Variants in KIF23 observed in about 807,000 individuals in gnomAD.
KIF23 encodes the protein kinesin-like protein KIF23.
KIF23 carries 30 observed loss-of-function variants against 137.5 expected under a neutral mutation model. The ratio of observed to expected loss-of-function variants is 0.22; its 90% CI spans 0.16 to 0.30. The LOEUF (loss-of-function observed/expected upper bound fraction) is 0.30. Among genes scored for constraint, KIF23 ranks in the 10% least tolerant of loss-of-function variants. The pLI is 1.00. For synonymous variants in KIF23, 367 were observed against 391.1 expected (o/e 0.94, Z 0.73); for missense variants, 920 against 1,194.3 (o/e 0.77, Z 3.38).
At chr15:69,420,213 G>A (rs555172225) in intron 3 of KIF23, among the ~76,000 whole-genome samples, 329 of 151,986 alleles carry the variant, frequency 2.2e-3, no homozygotes, top group African/African-American at 7.3e-3. Flanking sequence ...GCAGTGAGCC[G>A]AGATCCTACC....
At chr15:69,416,605 G>C (rs2056915686) in intron 2 of KIF23, among the ~76,000 whole-genome samples, 1 of 152,148 alleles carries the variant, frequency 6.6e-6, no homozygotes, top group Admixed American at 6.5e-5. Flanking sequence ...AAGGGAACCG[G>C]GTGCTTTGCA....
intron 7 of KIF23, among the ~76,000 whole-genome samples, chr15:69,424,918 C>T (rs2057151659): frequency 1.3e-5 from 2 of 152,144 alleles, no homozygotes; most frequent in Admixed American, 6.5e-5. Context: ...CGTGTGCCAA[C>T]TTTTTGTTTG....
intron 1 of KIF23, 197 bp downstream of exon 1, chr15:69,414,673 C>A (rs773976486): frequency 5.5e-5 from 29 of 525,958 alleles, no homozygotes; most frequent in Non-Finnish European, 7.8e-5. Flanking sequence ...GCGCGGAGAC[C>A]CCTGCCGCGT....
Position 69,446,971 on chromosome 15 carries a change from T to C in KIF23, c.2909+30T>C, listed in dbSNP as rs200688733. 40 of 1,591,736 alleles carry C rather than the reference T, an allele frequency of 2.5e-5. No individual in the cohort carries two copies. In the East Asian group the frequency reaches 7.6e-4, roughly 30 times the overall value. On this transcript the variant is annotated intron_variant, in intron 23 of 23. Transcript: ENST00000679126. ...GTACTGACTGTAATTGGGGTCTTGC[T>C]GTGTGCTTTTTTCCTCCTCTGGTCT...
intron 14 of KIF23, 71 bp downstream of exon 14, chr15:69,436,332 T>C (rs2057479667): frequency 1.2e-5 from 17 of 1,475,594 alleles, no homozygotes; most frequent in Non-Finnish European, 1.3e-5. Flanking sequence ...AAAAAAATTA[T>C]TTCATTTAAG....
chr15:69,435,852 G>T, intron 13 of KIF23, 81 bp downstream of exon 13: 1 of 1,520,442 alleles, frequency 6.6e-7, no homozygotes, highest in Non-Finnish European at 9.0e-7. Context: ...ATGACATTTT[G>T]AATATTTTAA....
rs536210797 is a variant in KIF23, at chr15:69,416,022, G to T, written c.40G>T (p.Val14Leu). The change falls in exon 2 of 24, where the codon GTG becomes TTG. Residue 14 changes from valine (V) to leucine (L), a missense_variant. Around this residue, in one of 4 missense-constraint regions of KIF23, gnomAD observed 124 missense variants for 122.0 expected, o/e 1.02. Transcript: ENST00000679126. ...ARAKTPRKPT[V>L]KKGSQTNLKD... ...AGCTAAGACACCCCGGAAACCTACC[G>T]TGAAAAAAGGGTCCCAAACGAACCT... 8 of 1,578,056 alleles carry T rather than the reference G, an allele frequency of 5.1e-6. No homozygotes were observed. The South Asian group carries it at 9.6e-5, about 19-fold the overall frequency.
In KIF23 at chr15:69,440,310, G is replaced by A. The variant is rs1236470873; in HGVS notation, c.1932G>A (p.Glu644=). 6.2e-7 allele frequency: 1 copy of A among 1,612,704 alleles called. No individual in the cohort carries two copies. The part of the protein sequence containing the change: ...ETTMKWEKEC[E]RRVAAKQLEM... ...ACATTGCCACTGATAATCTGTAGGA[G>A]CGTAGAGTGGCAGCCAAACAGCTGG... is the stretch of plus-strand genomic sequence containing the variant. The change falls in exon 18 of 24, where the codon GAG becomes GAA. Residue 644 remains glutamate, a splice_region_variant and synonymous_variant. Transcript: ENST00000679126.
In KIF23 at chr15:69,440,396, C is replaced by T. The variant is rs1227853727; in HGVS notation, c.2018C>T (p.Thr673Ile). 12 of 1,613,860 alleles carry T rather than the reference C, an allele frequency of 7.4e-6. No individual in the cohort carries two copies. The highest frequency in any genetic ancestry group is 1.0e-5 in the Non-Finnish European group (12 of 1,179,974). ...EKLKQLKAIV[T>I]EPKTEKPERP... ...CTGAAACAACTGAAGGCTATTGTTACCGAACCTAAAACTGAGAAGCCAGAG... is the reference window on the plus strand; with the variant it reads ...CTGAAACAACTGAAGGCTATTGTTATCGAACCTAAAACTGAGAAGCCAGAG... The change falls in exon 18 of 24, where the codon ACC becomes ATC. Residue 673 changes from threonine to isoleucine, a missense_variant. Transcript: ENST00000679126.
rs1157569427 is a variant in KIF23 at position 69,441,099 on chromosome 15, T to G, written c.2421+20T>G. 5 of 1,571,116 alleles carry G rather than the reference T, an allele frequency of 3.2e-6. No homozygotes were observed. The highest frequency in any genetic ancestry group is 4.3e-6 in the Non-Finnish European group (5 of 1,155,326). On this transcript the variant is annotated intron_variant, in intron 19 of 23. Transcript: ENST00000679126. ...GGCAGGGTTAGTGCCAGTATTATTT[T>G]AACGCATTGTAGCAATAGATTTTAT...
At chr15:69,421,070 G>C (rs1595982229) in intron 3 of KIF23, among the ~76,000 whole-genome samples, 1 of 152,192 alleles carries the variant, frequency 6.6e-6, no homozygotes, top group Non-Finnish European at 1.5e-5. Flanking sequence ...ATCAGCCTTA[G>C]ATTAGAAGCA....
intron 22 of KIF23, 21 bp from the exon 23 acceptor site, chr15:69,446,850 C>G (rs750653540): frequency 1.2e-6 from 2 of 1,611,014 alleles, no homozygotes; most frequent in Non-Finnish European, 1.7e-6. Flanking sequence ...GATCTTTTTC[C>G]TCTTGTCATT....
intron 11 of KIF23, among the ~76,000 whole-genome samples, chr15:69,431,840 G>C (rs1055553807): frequency 3.9e-5 from 6 of 152,184 alleles, no homozygotes; most frequent in Non-Finnish European, 8.8e-5. Context: ...GTAAAGACTT[G>C]AGTTTATTCA....
chr15:69,438,106 TA>T, intron 15 of KIF23, 141 bp from the exon 16 acceptor site: 1 of 654,186 alleles, frequency 1.5e-6, no homozygotes, highest in Non-Finnish European at 2.4e-6. Flanking sequence ...GATTTCCCTC[TA>T]AACTTGTTTT....
At position 69,414,351 on chromosome 15, in the gene KIF23, A is replaced by G. The variant is rs757906758; in HGVS notation, c.-115A>G. ...CTCTTAGCGTCGCCGCCGGCTTCGC[A>G]GAGCACCGCGCCTTAGCCGCGAAGT... is the stretch of plus-strand genomic sequence containing the variant. On this transcript the variant is annotated 5_prime_UTR_variant, in exon 1 of 24. Transcript: ENST00000679126. 47 of 1,446,896 alleles carry G rather than the reference A, an allele frequency of 3.2e-5. No individual in the cohort carries two copies. The highest frequency in any genetic ancestry group is 2.3e-4 in the South Asian group (18 of 78,660). 89.6% of individuals were successfully genotyped at this position (1,446,896 alleles called of 1,614,324 possible).
intron 11 of KIF23, chr15:69,434,643 T>C: frequency 6.8e-7 from 1 of 1,462,372 alleles, no homozygotes; most frequent in Non-Finnish European, 9.5e-7. Context: ...ATGGAAAAAG[T>C]CATGGAGGAT....
At chr15:69,436,017 C>CTCCA (rs2140379007) in intron 13 of KIF23, 121 bp from the exon 14 acceptor site, 3 of 1,369,330 alleles carry the variant, frequency 2.2e-6, no homozygotes, top group Admixed American at 4.7e-5. Flanking sequence ...TGCCACTGCA[C>CTCCA]TCCAGCCTGG....
At chr15:69,447,694 T>C in intron 23 of KIF23, 98 bp from the exon 24 acceptor site, 1 of 1,124,982 alleles carries the variant, frequency 8.9e-7, no homozygotes. Flanking sequence ...TATCTCATCA[T>C]AAAACAGCAG....
chr15:69,422,459 G>A, intron 6 of KIF23, 24 bp downstream of exon 6: 1 of 1,329,856 alleles, frequency 7.5e-7, no homozygotes, highest in African/African-American at 1.4e-5. Flanking sequence ...TTTGTCTGCA[G>A]CACTGGCCTA....
Sources: gnomAD v4.1 joint callset for allele counts (sites outside exome capture counted in the v4.1 genomes callset) on GRCh38, gnomAD v4.1.1 for gene constraint, gnomAD v4.1.1 regional missense constraint, MANE v1.5 for transcripts, NCBI Gene and HGNC (gene_info 2026-07-23, HGNC 2026-07-21) for gene names.